SORCS3: variants seen among roughly 807,000 people sequenced by gnomAD.
The protein encoded by SORCS3 is VPS10 domain-containing receptor SorCS3.
A neutral mutation model predicts 146.3 loss-of-function variants in SORCS3; 57 were observed. The ratio of observed to expected loss-of-function variants is 0.39; its 90% CI spans 0.31 to 0.49. SORCS3 has a LOEUF of 0.49. Among genes scored for constraint, SORCS3 ranks in the 20% least tolerant of loss-of-function variants. The probability of loss-of-function intolerance (pLI) is 0.92; values close to 1 mark genes in which losing one functional copy is unlikely to be tolerated. For missense variants in SORCS3, 1,341 were observed against 1,575.5 expected, an observed-to-expected ratio of 0.85 and a Z score of 2.52; for synonymous variants, 653 against 618.5, an observed-to-expected ratio of 1.06 and a Z score of -0.83.
intron 2 of SORCS3, among the ~76,000 whole-genome samples, chr10:104,863,719 A>G (rs1469628229): frequency 2.6e-5 from 4 of 151,252 alleles, no homozygotes; most frequent in African/African-American, 9.8e-5. Flanking sequence ...TCATATGGAC[A>G]CTTAGTTGTT....
At chr10:105,189,697 G>A (rs1376672431) in intron 14 of SORCS3, among the ~76,000 whole-genome samples, 1 of 152,170 alleles carries the variant, frequency 6.6e-6, no homozygotes, top group Non-Finnish European at 1.5e-5. Flanking sequence ...AGAGCTGGCT[G>A]TCAAGAGACT....
intron 2 of SORCS3, among the ~76,000 whole-genome samples, chr10:104,846,338 G>A (rs914856215): frequency 6.6e-5 from 10 of 152,166 alleles, no homozygotes; most frequent in Non-Finnish European, 1.5e-4. Flanking sequence ...TATAGTTAGA[G>A]CCTAGAGCCG....
chr10:105,228,153 G>T (rs2056745081), intron 20 of SORCS3, among the ~76,000 whole-genome samples: 1 of 151,626 alleles, frequency 6.6e-6, no homozygotes, highest in African/African-American at 2.4e-5. Context: ...TTAATTTCTG[G>T]TTGTTTTGTA....
chr10:104,799,814 TAC>T, intron 1 of SORCS3, among the ~76,000 whole-genome samples: 1 of 152,166 alleles, frequency 6.6e-6, no homozygotes, highest in East Asian at 1.9e-4. Flanking sequence ...TAGCTGGGAC[TAC>T]AGGTGCCCAC....
chr10:104,792,173 T>C (rs2017502378), intron 1 of SORCS3, among the ~76,000 whole-genome samples: 1 of 152,124 alleles, frequency 6.6e-6, no homozygotes, highest in Admixed American at 6.5e-5. Flanking sequence ...GAGAAACTCA[T>C]GTTTTTGGGG....
chr10:105,054,818 G>A (rs2055435836), intron 5 of SORCS3, among the ~76,000 whole-genome samples: 1 of 152,030 alleles, frequency 6.6e-6, no homozygotes, highest in Non-Finnish European at 1.5e-5. Context: ...TAGAGTGTCT[G>A]GCTGGGTAAG....
chr10:104,843,321 A>T (rs1168821875), intron 2 of SORCS3, among the ~76,000 whole-genome samples: 2 of 152,154 alleles, frequency 1.3e-5, no homozygotes, highest in African/African-American at 4.8e-5. Flanking sequence ...AGAGATACAG[A>T]TACAAGTCTG....
chr10:105,047,531 CT>C (rs1242613204), intron 5 of SORCS3, among the ~76,000 whole-genome samples: 1 of 152,042 alleles, frequency 6.6e-6, no homozygotes, highest in Non-Finnish European at 1.5e-5. Context: ...ATTCTTACCC[CT>C]TTTCTGAGAT....
chr10:104,833,231 G>T (rs141885520), intron 1 of SORCS3, among the ~76,000 whole-genome samples: 83 of 152,344 alleles, frequency 5.4e-4, no homozygotes, highest in African/African-American at 1.7e-3. Context: ...GATCACTACA[G>T]GAAAGGAAAG....
intron 1 of SORCS3, among the ~76,000 whole-genome samples, chr10:104,682,488 A>T (rs767274802): frequency 6.6e-6 from 1 of 152,234 alleles, no homozygotes; most frequent in Admixed American, 6.5e-5. Context: ...CCTGAACCTT[A>T]TAAGTCCTCA....
chr10:104,864,201 T>C (rs1341724795), intron 2 of SORCS3, among the ~76,000 whole-genome samples: 1 of 152,192 alleles, frequency 6.6e-6, no homozygotes, highest in African/African-American at 2.4e-5. Context: ...TTTGCTATCT[T>C]GCCCAGAGGT....
At chr10:105,109,355 C>T (rs530179859) in intron 7 of SORCS3, among the ~76,000 whole-genome samples, 106 of 152,078 alleles carry the variant, frequency 7.0e-4, no homozygotes, top group African/African-American at 2.5e-3. Flanking sequence ...TTCCTTTTTC[C>T]AACCCCAGTT....
intron 1 of SORCS3, among the ~76,000 whole-genome samples, chr10:104,792,782 A>G (rs1719607403): frequency 6.6e-6 from 1 of 152,108 alleles, no homozygotes; most frequent in Admixed American, 6.5e-5. Flanking sequence ...TGTAGGTTGT[A>G]TATCAAACTT....
intron 2 of SORCS3, among the ~76,000 whole-genome samples, chr10:104,871,337 GA>G (rs1245232171): frequency 2.6e-5 from 4 of 152,130 alleles, no homozygotes; most frequent in Non-Finnish European, 4.4e-5. Flanking sequence ...CAGAAAAGTG[GA>G]AAGTCCGCTC....
intron 1 of SORCS3, among the ~76,000 whole-genome samples, chr10:104,735,229 T>G (rs1276881865): frequency 6.6e-6 from 1 of 152,148 alleles, no homozygotes; most frequent in Admixed American, 6.5e-5. Context: ...GCTGCTGCAT[T>G]GTTCTTGGCA....
intron 2 of SORCS3, among the ~76,000 whole-genome samples, chr10:104,859,384 GAT>G (rs2018374405): frequency 6.6e-6 from 1 of 152,112 alleles, no homozygotes; most frequent in South Asian, 2.1e-4. Context: ...GCTGAAACTG[GAT>G]CCCTTGCTTA....
chr10:105,114,363 T>C (rs1407916283), intron 7 of SORCS3, among the ~76,000 whole-genome samples: 1 of 151,970 alleles, frequency 6.6e-6, no homozygotes, highest in Non-Finnish European at 1.5e-5. Flanking sequence ...AAGCAGAAAA[T>C]TTGGAAGAGG....
At chr10:105,140,164 G>A (rs1225214671) in intron 8 of SORCS3, among the ~76,000 whole-genome samples, 1 of 152,114 alleles carries the variant, frequency 6.6e-6, no homozygotes, top group African/African-American at 2.4e-5. Flanking sequence ...AAAATCTCAG[G>A]TTGGACACAT....
At chr10:104,897,008 G>T (rs2018804822) in intron 2 of SORCS3, among the ~76,000 whole-genome samples, 2 of 152,134 alleles carry the variant, frequency 1.3e-5, no homozygotes, top group African/African-American at 4.8e-5. Context: ...TTAAAACTAG[G>T]TGCTGGACTA....
Sources: allele counts gnomAD v4.1 joint callset (sites outside exome capture counted in the v4.1 genomes callset), GRCh38; gene constraint gnomAD v4.1.1; transcripts MANE v1.5; gene names NCBI Gene and HGNC (gene_info 2026-07-23, HGNC 2026-07-21).